EIF5: variants seen among roughly 807,000 people sequenced by gnomAD.
The protein encoded by EIF5 is eukaryotic translation initiation factor 5.
A neutral mutation model predicts 48.3 loss-of-function variants in EIF5; 10 were observed. That is an observed-to-expected ratio of 0.21 (90% confidence interval 0.13 to 0.35). EIF5 has a LOEUF of 0.35. Among genes scored for constraint, EIF5 ranks in the 10% least tolerant of loss-of-function variants. EIF5 has a pLI of 1.00. For missense variants in EIF5, 397 were observed against 533.2 expected (o/e 0.74, Z 2.51); for synonymous variants, 237 against 173.1 (o/e 1.37, Z -2.90).
rs2089386464 is a variant in EIF5 at position 103,344,205 on chromosome 14, C to G, written c.*3153C>G. On this transcript the variant is annotated 3_prime_UTR_variant, in exon 12 of 12. Transcript: ENST00000216554. The stretch of plus-strand genomic sequence containing the variant: ...TTGTGCACCAGAGTGACCCTGTGAG[C>G]CTTTGTTAATAGGTTGGGAGCTCAG... 2 of 152,130 alleles carry G rather than the reference C, an allele frequency of 1.3e-5. No individual in the cohort carries two copies. The allele number at this position is 152,130 out of a possible 1,614,324, so 9.4% of individuals were successfully genotyped here. A position where few individuals can be genotyped will look rare whatever the true frequency, so the allele number is the denominator to read the frequency against.
At chr14:103,338,185 CT>C (rs745803571) in intron 6 of EIF5, 141 bp from the exon 7 acceptor site, 2 of 1,170,828 alleles carry the variant, frequency 1.7e-6, no homozygotes, top group Non-Finnish European at 2.4e-6. Flanking sequence ...TCTGTGAAGC[CT>C]CTTAGGTAGC....
At position 103,343,292 on chromosome 14, in the gene EIF5, T is replaced by TA. The variant is rs2089375089; in HGVS notation, c.*2241dup. The TA allele has an allele frequency of 6.6e-6, 1 of 152,250 alleles. No homozygotes were observed. The highest frequency in any genetic ancestry group is 1.5e-5 in the Non-Finnish European group (1 of 68,044). 9.4% of individuals were successfully genotyped at this position (152,250 alleles called of 1,614,324 possible). On this transcript the variant is annotated 3_prime_UTR_variant, in exon 12 of 12. Coordinates refer to ENST00000216554, the MANE Select transcript of EIF5 (RefSeq NM_001969.5). ...ATTTGTGTTGGATGTATCCTGCAGTTACACTTGCCAGCCCCACTCACAAAA... is the reference window on the plus strand; with the variant it reads ...ATTTGTGTTGGATGTATCCTGCAGTTAACACTTGCCAGCCCCACTCACAAAA...
Position 103,338,391 on chromosome 14 carries a change from G to A in EIF5, c.504G>A (p.Lys168=), listed in dbSNP as rs775542687. 2 of 1,612,552 alleles carry A rather than the reference G, an allele frequency of 1.2e-6. No individual in the cohort carries two copies. The highest frequency in any genetic ancestry group is 1.3e-5 in the African/African-American group (1 of 74,842). The change falls in exon 7 of 12, where the codon AAG becomes AAA. Residue 168 remains lysine (K), a synonymous_variant. Transcript: ENST00000216554. Reference sequence around the variant, plus strand: ...AGAAAAACAGAAAGGGCAAAGACAAGGAAAATGGCTCCGTATCCAGCAGTG... The same window carrying A: ...AGAAAAACAGAAAGGGCAAAGACAAAGAAAATGGCTCCGTATCCAGCAGTG... ...KEKKNRKGKD[K]ENGSVSSSET...
At chr14:103,335,997 C>T (rs1475359638) in intron 3 of EIF5, 39 bp from the exon 4 acceptor site, 6 of 1,613,620 alleles carry the variant, frequency 3.7e-6, no homozygotes, top group South Asian at 1.1e-5. Context: ...TTGCATTTGT[C>T]AGGGGAAACT....
At position 103,341,022 on chromosome 14, in the gene EIF5, G is replaced by A. The variant is rs771714455; in HGVS notation, c.1266G>A (p.Lys422=). The part of the protein sequence containing the change: ...PKVETVKSDN[K]DDDIDIDAI ...TTGAGACTGTAAAGTCAGACAACAA[G>A]GATGACGACATCGATATTGATGCCA... Residue 422 remains lysine (K), a synonymous_variant, in exon 12 of 12, where the codon AAG becomes AAA. Coordinates refer to ENST00000216554, the MANE Select transcript of EIF5 (RefSeq NM_001969.5). 11 of 1,614,160 alleles carry A rather than the reference G, an allele frequency of 6.8e-6. No homozygotes were observed. The South Asian group carries it at 1.2e-4, about 18-fold the overall frequency.
chr14:103,339,117 T>G (rs1219608409), intron 8 of EIF5, 55 bp from the exon 9 acceptor site: 66 of 1,560,338 alleles, frequency 4.2e-5, no homozygotes, highest in Non-Finnish European at 5.6e-5. Context: ...GCTGGTGTCT[T>G]GAGCCTGGCA....
chr14:103,341,188 GTGAGTGGTCTGTTA>G lies in EIF5; in HGVS notation c.*138_*151del. ...CACTTTACACTAAAAATCTATTACT[GTGAGTGGTCTGTTA>G]TTAAGCCCAATGAGACATCTAGGGA... On this transcript the variant is annotated 3_prime_UTR_variant, in exon 12 of 12. Transcript: ENST00000216554. 1 of 734,128 alleles carries G rather than the reference GTGAGTGGTCTGTTA, an allele frequency of 1.4e-6. No individual in the cohort carries two copies. The highest frequency in any genetic ancestry group is 2.3e-6 in the Non-Finnish European group (1 of 431,118). The allele number at this position is 734,128 out of a possible 1,614,324, so 45.5% of individuals were successfully genotyped here.
rs186905723 is a variant in EIF5, at chr14:103,336,127, G to C, written c.154+10G>C. 1.1e-5 allele frequency: 18 copies of C among 1,613,400 alleles called. No individual in the cohort carries two copies. The African/African-American group carries it at 2.3e-4, about 20-fold the overall frequency. On this transcript the variant is annotated intron_variant, in intron 4 of 11. Transcript: ENST00000216554. ...AATCGGCCTCCAACGTGTAAGTAAA[G>C]CTTGGAAAAGTCCACAGGGCATATT...
Position 103,335,710 on chromosome 14 carries a change from C to A in EIF5, c.-151C>A. 2.8e-6 allele frequency: 2 copies of A among 725,628 alleles called. No homozygotes were observed. The highest frequency in any genetic ancestry group is 4.7e-6 in the Non-Finnish European group (2 of 424,158). 44.9% of individuals were successfully genotyped at this position (725,628 alleles called of 1,614,324 possible). ...GGAAACATAGCATACAAGCAAGAAG[C>A]TTACAGCCTCAGTGGCGAAAATTTT... On this transcript the variant is annotated 5_prime_UTR_variant, in exon 3 of 12. Transcript: ENST00000216554.
At position 103,342,526 on chromosome 14, in the gene EIF5, CTGTT is replaced by C. The variant is rs1483640052; in HGVS notation, c.*1476_*1479del. ...GAGCAGTGGCTTATACCATTCACCT[CTGTT>C]TTTTTGTGATTATTTCACAGATAAT... On this transcript the variant is annotated 3_prime_UTR_variant, in exon 12 of 12. Transcript: ENST00000216554. The C allele has an allele frequency of 2.6e-5, 4 of 152,234 alleles. No individual in the cohort carries two copies. Among genetic ancestry groups the C allele is most frequent in the African/African-American group, 9.6e-5 (4 of 41,456 alleles). 9.4% of individuals were successfully genotyped at this position (152,234 alleles called of 1,614,324 possible). A position where few individuals can be genotyped will look rare whatever the true frequency, so the allele number is the denominator to read the frequency against.
At chr14:103,338,080 C>T (rs2274191) in intron 6 of EIF5, 88,666 of 614,742 alleles carry the variant, frequency 0.14, 7,461 homozygotes, top group East Asian at 0.28. Flanking sequence ...ATCACTTCAT[C>T]TTACTCTTTC....
Position 103,344,562 on chromosome 14 carries a change from G to A in EIF5, c.*3510G>A, listed in dbSNP as rs2089391029. The A allele has an allele frequency of 6.6e-6, 1 of 152,212 alleles. No homozygotes were observed. Among genetic ancestry groups the A allele is most frequent in the African/African-American group, 2.4e-5 (1 of 41,428 alleles). 9.4% of individuals were successfully genotyped at this position (152,212 alleles called of 1,614,324 possible). A position where few individuals can be genotyped will look rare whatever the true frequency, so the allele number is the denominator to read the frequency against. On this transcript the variant is annotated 3_prime_UTR_variant, in exon 12 of 12. Coordinates refer to ENST00000216554, the MANE Select transcript of EIF5 (RefSeq NM_001969.5). ...GGGATTGCCTTTCCATATCTGCTGGGGGTGGAGACCCTTATGTGCAGCACT... is the reference window on the plus strand; with the variant it reads ...GGGATTGCCTTTCCATATCTGCTGGAGGTGGAGACCCTTATGTGCAGCACT...
intron 6 of EIF5, chr14:103,337,837 C>T (rs770369359): frequency 2.0e-6 from 1 of 512,538 alleles, no homozygotes; most frequent in Non-Finnish European, 3.9e-6. Context: ...CTTCATTAAA[C>T]TTGAATATTG....
At chr14:103,340,268 C>T in intron 10 of EIF5, 159 bp from the exon 11 acceptor site, 1 of 740,962 alleles carries the variant, frequency 1.3e-6, no homozygotes, top group Non-Finnish European at 2.3e-6. Context: ...GTAGTCATAA[C>T]AGACTGCTGA....
chr14:103,338,107 C>G, intron 6 of EIF5: 1 of 685,726 alleles, frequency 1.5e-6, no homozygotes, highest in Non-Finnish European at 2.5e-6. Context: ...GTTACAATAC[C>G]CCTAATATTT....
intron 6 of EIF5, chr14:103,337,456 G>T (rs2089300743): frequency 2.0e-6 from 1 of 505,956 alleles, no homozygotes; most frequent in Non-Finnish European, 3.5e-6. Flanking sequence ...ACAAAAACTA[G>T]CTTAGCATGG....
At chr14:103,339,939 A>C (rs1595365168) in intron 10 of EIF5, 136 bp downstream of exon 10, 1 of 1,006,672 alleles carries the variant, frequency 9.9e-7, no homozygotes, top group Non-Finnish European at 1.4e-6. Flanking sequence ...GCTCCCTGAA[A>C]CCTCCACGTC....
chr14:103,344,729 G>A lies in EIF5; in HGVS notation c.*3677G>A, dbSNP rs1423520374. ...TAAAAAATAAAAATCAAGTCTTTAG[G>A]AGAGTAGAAAACACAATTAACTAAA... is the stretch of plus-strand genomic sequence containing the variant. On this transcript the variant is annotated 3_prime_UTR_variant, in exon 12 of 12. Transcript: ENST00000216554. The A allele has an allele frequency of 6.6e-6, 1 of 152,022 alleles. No individual in the cohort carries two copies. Among genetic ancestry groups the A allele is most frequent in the Non-Finnish European group, 1.5e-5 (1 of 67,978 alleles). 9.4% of individuals were successfully genotyped at this position (152,022 alleles called of 1,614,324 possible).
At chr14:103,339,016 C>T (rs2089322222) in intron 8 of EIF5, 123 bp downstream of exon 8, 3 of 1,481,376 alleles carry the variant, frequency 2.0e-6, no homozygotes, top group East Asian at 4.6e-5. Flanking sequence ...AACTCTTGTT[C>T]ATTTAAATAT....
Sources: allele counts gnomAD v4.1 joint callset, GRCh38; gene constraint gnomAD v4.1.1; transcripts MANE v1.5; gene names NCBI Gene and HGNC (gene_info 2026-07-23, HGNC 2026-07-21).